The following RNLS variants were observed in gnomAD, a reference collection of about 807,000 sequenced individuals.
The protein encoded by RNLS is renalase.
RNLS carries 39 observed loss-of-function variants against 39.8 expected under a neutral mutation model. The ratio of observed to expected loss-of-function variants is 0.98; its 90% CI spans 0.76 to 1.28. The LOEUF is 1.28. Among genes scored for constraint, RNLS ranks in the 50% most tolerant of loss-of-function variants. RNLS has a pLI of 0.00. For missense variants in RNLS, 410 were observed against 413.3 expected (o/e 0.99, Z 0.07); for synonymous variants, 147 against 150.7 (o/e 0.98, Z 0.18).
intron 4 of RNLS, among the ~76,000 whole-genome samples, chr10:88,474,099 A>G (rs1428623121): frequency 6.6e-6 from 1 of 152,188 alleles, no homozygotes; most frequent in African/African-American, 2.4e-5. Flanking sequence ...AGTATTCTCT[A>G]AATAAATTAT....
the RNLS span, among the ~76,000 whole-genome samples, chr10:88,190,327 A>G: frequency 3.5e-4 from 53 of 152,300 alleles, no homozygotes; most frequent in Non-Finnish European, 1.8e-4. Context: ...CCACATTTGA[A>G]TCCTTGGCTG....
chr10:88,350,446 T>C lies in RNLS; in HGVS notation c.700+12106A>G, dbSNP rs546226617. Among the ~76,000 whole-genome samples the C allele has an allele frequency of 2.8e-3, 431 of 152,252 alleles. 2 individuals carry two copies. Among genetic ancestry groups the C allele is most frequent in the African/African-American group, 9.7e-3 (404 of 41,540 alleles). On this transcript the variant is annotated intron_variant, in intron 5 of 6. Transcript: ENST00000331772. Reference sequence around the variant, plus strand: ...CCTTCCTGTGTCCAAGTGTTCTCATTGTTCAATTCCCACCTATGAGTGAGA... The same window carrying C: ...CCTTCCTGTGTCCAAGTGTTCTCATCGTTCAATTCCCACCTATGAGTGAGA...
intron 4 of RNLS, among the ~76,000 whole-genome samples, chr10:88,447,169 C>T (rs1332379766): frequency 6.6e-6 from 1 of 152,100 alleles, no homozygotes; most frequent in African/African-American, 2.4e-5. Context: ...CCAGGAAAAT[C>T]AGGCAGGAGA....
chr10:88,324,941 C>T (rs1032905535), intron 5 of RNLS, among the ~76,000 whole-genome samples: 2 of 152,160 alleles, frequency 1.3e-5, no homozygotes, highest in African/African-American at 2.4e-5. Context: ...AGCATGATGT[C>T]CTCAAAGTTC....
At chr10:88,178,759 C>CAGA in the RNLS span, among the ~76,000 whole-genome samples, 1 of 152,176 alleles carries the variant, frequency 6.6e-6, no homozygotes, top group Non-Finnish European at 1.5e-5. Flanking sequence ...CTTGATGATC[C>CAGA]AGACTACTGT....
At chr10:88,398,076 T>C (rs1203049025) in intron 4 of RNLS, among the ~76,000 whole-genome samples, 1 of 152,072 alleles carries the variant, frequency 6.6e-6, no homozygotes, top group Non-Finnish European at 1.5e-5. Flanking sequence ...TTTAAGATTA[T>C]TTGGGCATGG....
chr10:88,295,642 T>C (rs1490343990), intron 6 of RNLS, among the ~76,000 whole-genome samples: 1 of 152,168 alleles, frequency 6.6e-6, no homozygotes, highest in Admixed American at 6.5e-5. Flanking sequence ...AAGAAAGCAA[T>C]GTGGTTTGGT....
At chr10:88,520,221 A>G (rs1846644618) in intron 4 of RNLS, among the ~76,000 whole-genome samples, 1 of 151,970 alleles carries the variant, frequency 6.6e-6, no homozygotes, top group Non-Finnish European at 1.5e-5. Context: ...CTATCTCCCT[A>G]TAAGAGTCAC....
At chr10:88,212,542 G>A in the RNLS span, among the ~76,000 whole-genome samples, 4 of 152,178 alleles carry the variant, frequency 2.6e-5, no homozygotes, top group Non-Finnish European at 2.9e-5. Context: ...CATATATTAA[G>A]TGTCTGTTAT....
chr10:88,583,028 C>G, intron 1 of RNLS, 45 bp downstream of exon 1: 2 of 1,593,156 alleles, frequency 1.3e-6, no homozygotes, highest in Non-Finnish European at 1.7e-6. Flanking sequence ...CAGCAGCCTG[C>G]CCGGCAGTCC....
the RNLS span, among the ~76,000 whole-genome samples, chr10:88,207,576 TA>T: frequency 6.6e-6 from 1 of 152,206 alleles, no homozygotes; most frequent in South Asian, 2.1e-4. Context: ...CACATTGCTT[TA>T]AAAGAATCTT....
At chr10:88,203,315 TATGTATATATATATATATATACAC>T in the RNLS span, among the ~76,000 whole-genome samples, 3 of 4,880 alleles carry the variant, frequency 6.1e-4, 1 homozygote, top group African/African-American at 4.0e-3. Flanking sequence ...TATATATACG[TATGTATATATATATATATATACAC>T]GTATGTGTAT....
intron 6 of RNLS, among the ~76,000 whole-genome samples, chr10:88,300,794 T>C (rs181624585): frequency 1.6e-4 from 24 of 152,346 alleles, no homozygotes; most frequent in African/African-American, 4.8e-4. Flanking sequence ...GAGTATATAG[T>C]ATTAATTTAT....
intron 4 of RNLS, among the ~76,000 whole-genome samples, chr10:88,521,292 T>C (rs972465752): frequency 2.6e-5 from 4 of 152,022 alleles, no homozygotes; most frequent in Admixed American, 6.6e-5. Flanking sequence ...TTTGACAGAA[T>C]TGATTGGATG....
chr10:88,336,853 T>C (rs1284199932), intron 5 of RNLS, among the ~76,000 whole-genome samples: 3 of 152,192 alleles, frequency 2.0e-5, no homozygotes, highest in Non-Finnish European at 4.4e-5. Flanking sequence ...AGTTGCATTC[T>C]AAAGCCCTGA....
chr10:88,214,419 C>T, the RNLS span, among the ~76,000 whole-genome samples: 3 of 149,532 alleles, frequency 2.0e-5, no homozygotes, highest in Non-Finnish European at 4.4e-5. Flanking sequence ...AAATCTGACC[C>T]TGTAAATTCA....
chr10:88,224,119 T>A, the RNLS span, among the ~76,000 whole-genome samples: 1 of 151,902 alleles, frequency 6.6e-6, no homozygotes, highest in Admixed American at 6.6e-5. Context: ...CAGGCTGCTG[T>A]AACAAAATAC....
At chr10:88,373,461 G>A (rs1054440519) in intron 4 of RNLS, among the ~76,000 whole-genome samples, 1 of 152,128 alleles carries the variant, frequency 6.6e-6, no homozygotes, top group Non-Finnish European at 1.5e-5. Context: ...AATAAAAAGT[G>A]TAAGAGGCAA....
At chr10:88,342,273 G>C (rs1182973660) in intron 5 of RNLS, among the ~76,000 whole-genome samples, 1 of 152,196 alleles carries the variant, frequency 6.6e-6, no homozygotes, top group Non-Finnish European at 1.5e-5. Context: ...CGCCTTTGTA[G>C]CAGTAAGATT....
Sources: allele counts gnomAD v4.1 joint callset (sites outside exome capture counted in the v4.1 genomes callset), GRCh38; gene constraint gnomAD v4.1.1; transcripts MANE v1.5; gene names NCBI Gene and HGNC (gene_info 2026-07-23, HGNC 2026-07-21).